REV1: variants seen among roughly 807,000 people sequenced by gnomAD.
REV1 encodes the protein REV1 DNA directed polymerase, also known as translesion synthesis protein REV1.
Under a neutral mutation model 137.4 loss-of-function variants are expected in REV1, and 42 were observed. The ratio of observed to expected loss-of-function variants is 0.31; its 90% CI spans 0.24 to 0.40. The LOEUF is 0.40. Among genes scored for constraint, REV1 ranks in the 10% least tolerant of loss-of-function variants. The probability of loss-of-function intolerance (pLI) is 1.00; values close to 1 mark genes in which losing one functional copy is unlikely to be tolerated. For missense variants in REV1, 1,282 were observed against 1,490.1 expected, an observed-to-expected ratio of 0.86 and a Z score of 2.30; for synonymous variants, 524 against 519.2, an observed-to-expected ratio of 1.01 and a Z score of -0.12.
intron 8 of REV1, chr2:99,431,669 T>C (rs970819922): frequency 4.4e-6 from 4 of 915,302 alleles, no homozygotes; most frequent in Non-Finnish European, 3.9e-6. Context: ...ACAGTCTCTG[T>C]GGTCCATGCG....
intron 1 of REV1, among the ~76,000 whole-genome samples, chr2:99,466,202 C>T (rs1313141943): frequency 6.6e-6 from 1 of 152,188 alleles, no homozygotes; most frequent in Non-Finnish European, 1.5e-5. Context: ...CCGCCGGCCT[C>T]TGCCTCCCAA....
intron 5 of REV1, among the ~76,000 whole-genome samples, chr2:99,440,745 C>CA (rs1681383572): frequency 6.6e-6 from 1 of 152,048 alleles, no homozygotes; most frequent in Admixed American, 6.6e-5. Flanking sequence ...AATATACCCC[C>CA]CAAAAAAACC....
intron 1 of REV1, among the ~76,000 whole-genome samples, chr2:99,486,132 G>A (rs988807696): frequency 1.3e-5 from 2 of 152,056 alleles, no homozygotes; most frequent in Admixed American, 1.3e-4. Flanking sequence ...CTCAAAAAAT[G>A]TTAAAAAAGA....
In REV1 at chr2:99,439,021, C is replaced by CAGCCTT; in HGVS notation, c.787_792dup (p.Lys263_Ala264dup). 1 of 1,614,206 alleles carries CAGCCTT rather than the reference C, an allele frequency of 6.2e-7. No individual in the cohort carries two copies. Among genetic ancestry groups the CAGCCTT allele is most frequent in the Non-Finnish European group, 8.5e-7 (1 of 1,180,036 alleles). Reference sequence around the variant, plus strand: ...TCTCTGAAATCAGTGCTGCTCTTCTCAGCCTTATCCTCCTCCTGGGAAAAG... The same window carrying CAGCCTT: ...TCTCTGAAATCAGTGCTGCTCTTCTCAGCCTTAGCCTTATCCTCCTCCTGGGAAAAG... On this transcript the variant is annotated inframe_insertion, in exon 6 of 23. Coordinates refer to ENST00000258428, the MANE Select transcript of REV1 (RefSeq NM_016316.4).
chr2:99,404,729 G>C, intron 17 of REV1, 52 bp from the exon 18 acceptor site: 1 of 1,253,758 alleles, frequency 8.0e-7, no homozygotes, highest in Non-Finnish European at 1.2e-6. Flanking sequence ...TCAGAGATGA[G>C]GTGTTTGGGA....
intron 1 of REV1, among the ~76,000 whole-genome samples, chr2:99,466,091 G>A (rs972876970): frequency 5.9e-5 from 9 of 151,730 alleles, no homozygotes; most frequent in African/African-American, 2.2e-4. Context: ...ACAGGTGCCC[G>A]CCACCACGCC....
At chr2:99,419,079 G>T (rs1464556591) in intron 11 of REV1, 132 bp from the exon 12 acceptor site, 4 of 783,844 alleles carry the variant, frequency 5.1e-6, no homozygotes, top group Non-Finnish European at 7.9e-6. Context: ...TTTCAAATAA[G>T]GTGTAGAATT....
intron 4 of REV1, among the ~76,000 whole-genome samples, chr2:99,446,788 C>T (rs566492271): frequency 3.9e-5 from 6 of 152,090 alleles, no homozygotes; most frequent in Non-Finnish European, 5.9e-5. Flanking sequence ...CTATCGCACC[C>T]GGCCGGAAAA....
At chr2:99,469,880 G>A (rs940637456) in intron 1 of REV1, among the ~76,000 whole-genome samples, 7 of 151,920 alleles carry the variant, frequency 4.6e-5, no homozygotes, top group African/African-American at 1.7e-4. Context: ...CTAGCACTCT[G>A]GGGGGCCGAG....
intron 14 of REV1, among the ~76,000 whole-genome samples, chr2:99,410,474 A>G (rs1226845882): frequency 2.0e-5 from 3 of 152,228 alleles, no homozygotes; most frequent in African/African-American, 7.2e-5. Flanking sequence ...TGCCAAGGTC[A>G]GCAATGCCGT....
intron 9 of REV1, among the ~76,000 whole-genome samples, chr2:99,426,152 C>T (rs1049191859): frequency 1.3e-5 from 2 of 151,840 alleles, no homozygotes; most frequent in Non-Finnish European, 1.5e-5. Context: ...TGAGACCAGC[C>T]TGGCCAACAT....
At chr2:99,403,400 A>C in intron 19 of REV1, 1 of 557,584 alleles carries the variant, frequency 1.8e-6, no homozygotes, top group Non-Finnish European at 3.2e-6. Flanking sequence ...CCTTTAATGT[A>C]TTCATCTCAA....
chr2:99,427,560 C>A (rs1035884107), intron 9 of REV1, among the ~76,000 whole-genome samples: 1 of 152,182 alleles, frequency 6.6e-6, no homozygotes, highest in African/African-American at 2.4e-5. Flanking sequence ...TCAAACTGAG[C>A]AGATCATCCC....
intron 1 of REV1, among the ~76,000 whole-genome samples, chr2:99,485,196 G>A (rs1019428190): frequency 6.6e-6 from 1 of 152,152 alleles, no homozygotes; most frequent in Admixed American, 6.6e-5. Flanking sequence ...TATTATGCAA[G>A]TTCAATTACC....
At chr2:99,421,217 C>G (rs1678623662) in intron 11 of REV1, among the ~76,000 whole-genome samples, 2 of 151,560 alleles carry the variant, frequency 1.3e-5, no homozygotes, top group Admixed American at 1.3e-4. Flanking sequence ...ATACGGTTTC[C>G]GTTCACTTTT....
chr2:99,463,712 C>A (rs1684497674), intron 2 of REV1, among the ~76,000 whole-genome samples: 1 of 152,060 alleles, frequency 6.6e-6, no homozygotes, highest in Non-Finnish European at 1.5e-5. Context: ...GCAAACTCCG[C>A]CTCCCAGGTT....
Position 99,401,363 on chromosome 2 carries a change from GGA to G in REV1, c.3645-13_3645-12del, listed in dbSNP as rs748435976. On this transcript the variant is annotated splice_polypyrimidine_tract_variant and intron_variant, in intron 22 of 22. Coordinates refer to ENST00000258428, the MANE Select transcript of REV1 (RefSeq NM_016316.4). ...GATTGCTGCATCAGCCTAAAGGTGG[GGA>G]GAGAAGAAATGTCATTAGGAATTAG... 6.4e-5 allele frequency: 101 copies of G among 1,573,494 alleles called. No individual in the cohort carries two copies. Among genetic ancestry groups the G allele is most frequent in the Non-Finnish European group, 8.4e-5 (96 of 1,144,440 alleles).
At chr2:99,465,163 T>C (rs903111107) in intron 1 of REV1, among the ~76,000 whole-genome samples, 178 bp from the exon 2 acceptor site, 8 of 150,262 alleles carry the variant, frequency 5.3e-5, no homozygotes, top group South Asian at 4.3e-4. Flanking sequence ...CAAGTGAAAT[T>C]TGTCTATAAA....
intron 10 of REV1, among the ~76,000 whole-genome samples, chr2:99,423,532 A>G (rs1331632230): frequency 6.6e-6 from 1 of 152,242 alleles, no homozygotes; most frequent in Non-Finnish European, 1.5e-5. Flanking sequence ...TAGGCTGGTT[A>G]TACTTTTAAG....
Sources: allele counts gnomAD v4.1 joint callset (sites outside exome capture counted in the v4.1 genomes callset), GRCh38; gene constraint gnomAD v4.1.1; transcripts MANE v1.5; gene names NCBI Gene and HGNC (gene_info 2026-07-23, HGNC 2026-07-21).